BANK1: variants seen among roughly 807,000 people sequenced by gnomAD.
The protein encoded by BANK1 is B-cell scaffold protein with ankyrin repeats.
Under a neutral mutation model 94.5 loss-of-function variants are expected in BANK1, and 95 were observed. The ratio of observed to expected loss-of-function variants is 1.00; its 90% CI spans 0.85 to 1.19. BANK1 has a LOEUF of 1.19. Ranked by LOEUF, BANK1 falls within the 50% of genes most tolerant of loss-of-function variation. The pLI, the probability that BANK1 is intolerant of heterozygous loss-of-function variation, is 0.00. For synonymous variants in BANK1, 334 were observed against 308.4 expected (o/e 1.08, Z -0.87); for missense variants, 987 against 932.2 (o/e 1.06, Z -0.77).
intron 9 of BANK1, among the ~76,000 whole-genome samples, chr4:102,029,145 C>A (rs1259706842): frequency 6.6e-6 from 1 of 152,170 alleles, no homozygotes; most frequent in Non-Finnish European, 1.5e-5. Flanking sequence ...CCTCTTACCT[C>A]AGCCTCCCAA....
intron 3 of BANK1, among the ~76,000 whole-genome samples, chr4:101,855,528 G>A (rs953931124): frequency 3.9e-5 from 6 of 152,112 alleles, no homozygotes; most frequent in African/African-American, 1.4e-4. Context: ...TGAATTAATA[G>A]GCATTTGTTA....
intron 11 of BANK1, 21 bp from the exon 12 acceptor site, chr4:102,060,190 C>T (rs954106402): frequency 1.3e-6 from 2 of 1,538,442 alleles, no homozygotes; most frequent in African/African-American, 2.8e-5. Flanking sequence ...TCTGTTAATG[C>T]ACCCTCCCCT....
At chr4:101,908,852 A>G (rs1332879122) in intron 6 of BANK1, among the ~76,000 whole-genome samples, 2 of 152,250 alleles carry the variant, frequency 1.3e-5, no homozygotes, top group Non-Finnish European at 2.9e-5. Context: ...CAAAACCACA[A>G]TAAGATACCA....
At chr4:102,024,433 A>G (rs78686547) in intron 8 of BANK1, among the ~76,000 whole-genome samples, 2 of 152,218 alleles carry the variant, frequency 1.3e-5, no homozygotes, top group African/African-American at 2.4e-5. Context: ...AAGTCATTGC[A>G]TTATAATTTC....
At chr4:102,015,815 T>C (rs17031862) in intron 7 of BANK1, among the ~76,000 whole-genome samples, 1 of 152,178 alleles carries the variant, frequency 6.6e-6, no homozygotes, top group Non-Finnish European at 1.5e-5. Context: ...ACCCTTTGCT[T>C]TGACTATCAA....
At chr4:101,914,877 A>G (rs1241422557) in intron 6 of BANK1, among the ~76,000 whole-genome samples, 2 of 152,146 alleles carry the variant, frequency 1.3e-5, no homozygotes, top group Non-Finnish European at 2.9e-5. Context: ...ACCAAAATAA[A>G]CCACAAAAAC....
At chr4:101,937,397 AAAAC>A (rs1221485271) in intron 7 of BANK1, among the ~76,000 whole-genome samples, 1 of 151,948 alleles carries the variant, frequency 6.6e-6, no homozygotes, top group African/African-American at 2.4e-5. Flanking sequence ...CAAGAATAAA[AAAAC>A]AAACAACTCC....
intron 2 of BANK1, among the ~76,000 whole-genome samples, chr4:101,850,865 G>T (rs550216363): frequency 6.6e-6 from 1 of 152,260 alleles, no homozygotes; most frequent in South Asian, 2.1e-4. Context: ...TTAAGCAATA[G>T]ACGTTTTGTG....
At chr4:102,057,988 A>G (rs960333732) in intron 11 of BANK1, among the ~76,000 whole-genome samples, 1 of 152,180 alleles carries the variant, frequency 6.6e-6, no homozygotes, top group African/African-American at 2.4e-5. Context: ...TTTAACGTGT[A>G]TATAATTTTG....
chr4:102,022,979 C>G (rs1026316144), intron 8 of BANK1, among the ~76,000 whole-genome samples: 1 of 152,190 alleles, frequency 6.6e-6, no homozygotes, highest in South Asian at 2.1e-4. Context: ...CTCTTCATTT[C>G]ACTTTACCTG....
intron 7 of BANK1, among the ~76,000 whole-genome samples, chr4:101,955,772 T>G (rs982263146): frequency 1.3e-5 from 2 of 152,212 alleles, no homozygotes; most frequent in Non-Finnish European, 2.9e-5. Context: ...CAAATTTGTT[T>G]CATAGTAACT....
chr4:101,882,412 A>C (rs1409191746), intron 5 of BANK1, among the ~76,000 whole-genome samples: 1 of 152,174 alleles, frequency 6.6e-6, no homozygotes, highest in Non-Finnish European at 1.5e-5. Context: ...TTCATTTTCT[A>C]CCTTAGTAAT....
chr4:101,814,073 G>A (rs1725813294), intron 1 of BANK1: 1 of 199,374 alleles, frequency 5.0e-6, no homozygotes, highest in Non-Finnish European at 9.0e-6. Flanking sequence ...TTTCCAAAGT[G>A]TGACATCCCA....
chr4:101,868,179 G>T (rs1728149140), intron 4 of BANK1, among the ~76,000 whole-genome samples: 3 of 151,848 alleles, frequency 2.0e-5, no homozygotes, highest in Non-Finnish European at 4.4e-5. Context: ...AAATGGCATT[G>T]AAAGTAATGT....
intron 7 of BANK1, among the ~76,000 whole-genome samples, chr4:101,955,682 A>G (rs1215631549): frequency 6.6e-6 from 1 of 152,208 alleles, no homozygotes; most frequent in African/African-American, 2.4e-5. Flanking sequence ...AATTATTGAT[A>G]TAAGATCATT....
chr4:101,945,718 G>A lies in BANK1; in HGVS notation c.1206+27529G>A, dbSNP rs192410011. 2.6e-3 allele frequency among the ~76,000 whole-genome samples: 398 copies of A among 151,894 alleles called. 1 individual carries two copies. Among genetic ancestry groups the A allele is most frequent in the Non-Finnish European group, 4.0e-3 (272 of 67,886 alleles). On this transcript the variant is annotated intron_variant, in intron 7 of 16. Transcript: ENST00000322953. ...TTGTATCCTGAGTATTTAGAACCAC[G>A]TCTGGCACAGAGTAGACTCTCAGTA...
chr4:102,028,561 A>G (rs1727179275), intron 9 of BANK1, among the ~76,000 whole-genome samples: 1 of 152,150 alleles, frequency 6.6e-6, no homozygotes, highest in Non-Finnish European at 1.5e-5. Flanking sequence ...AAATCTTCAT[A>G]AGTAAACTAA....
intron 7 of BANK1, among the ~76,000 whole-genome samples, chr4:101,948,038 T>A (rs1723995885): frequency 6.6e-6 from 1 of 152,142 alleles, no homozygotes. Flanking sequence ...ACAACTATTG[T>A]AATTCTATTG....
chr4:101,816,429 A>G lies in BANK1; in HGVS notation c.71-13379A>G, dbSNP rs116524556. ...TAAATCAAAGTGGTCTCTCAAATAT[A>G]TTACATGAACTTCCATCAACTGGAA... On this transcript the variant is annotated intron_variant, in intron 1 of 16. Coordinates refer to ENST00000322953, the MANE Select transcript of BANK1 (RefSeq NM_017935.5). Among the ~76,000 whole-genome samples, 1,189 of 152,320 alleles carry G rather than the reference A, an allele frequency of 7.8e-3. 19 individuals carry two copies. Among genetic ancestry groups the G allele is most frequent in the African/African-American group, 0.027 (1,115 of 41,574 alleles).
Sources: allele counts gnomAD v4.1 joint callset (sites outside exome capture counted in the v4.1 genomes callset), GRCh38; gene constraint gnomAD v4.1.1; transcripts MANE v1.5; gene names NCBI Gene and HGNC (gene_info 2026-07-23, HGNC 2026-07-21).